Variants in SOCS5 observed in about 807,000 individuals in gnomAD.
SOCS5 encodes the protein CIS-6.
Under a neutral mutation model 42.8 loss-of-function variants are expected in SOCS5, and 32 were observed. The ratio of observed to expected loss-of-function variants is 0.75; its 90% CI spans 0.56 to 1.01. The LOEUF (loss-of-function observed/expected upper bound fraction) is 1.01. Ranked by LOEUF, SOCS5 falls within the 50% of genes least tolerant of loss-of-function variation. The pLI, the probability that SOCS5 is intolerant of heterozygous loss-of-function variation, is 0.00. For synonymous variants in SOCS5, 283 were observed against 229.6 expected (o/e 1.23, Z -2.10); for missense variants, 627 against 653.0 (o/e 0.96, Z 0.43).
intron 1 of SOCS5, among the ~76,000 whole-genome samples, chr2:46,710,349 G>T (rs560669571): frequency 2.0e-5 from 3 of 152,130 alleles, no homozygotes; most frequent in African/African-American, 7.2e-5. Flanking sequence ...GTTTCACCAC[G>T]TTGGTTAGGC....
At chr2:46,752,004 T>C (rs1052720552) in intron 1 of SOCS5, among the ~76,000 whole-genome samples, 4 of 152,226 alleles carry the variant, frequency 2.6e-5, no homozygotes, top group African/African-American at 7.2e-5. Context: ...TTTACTTGCA[T>C]GTTGCCTATG....
chr2:46,743,295 A>T (rs1027995081), intron 1 of SOCS5, among the ~76,000 whole-genome samples: 2 of 152,150 alleles, frequency 1.3e-5, no homozygotes, highest in Non-Finnish European at 2.9e-5. Flanking sequence ...TAAAGGAATA[A>T]AAGAATGGCT....
intron 1 of SOCS5, among the ~76,000 whole-genome samples, chr2:46,755,240 A>G (rs913521200): frequency 1.3e-5 from 2 of 152,198 alleles, no homozygotes; most frequent in African/African-American, 2.4e-5. Flanking sequence ...CTCTCAATGT[A>G]TTCTTAAAAC....
intron 1 of SOCS5, among the ~76,000 whole-genome samples, chr2:46,714,640 T>C (rs1672699853): frequency 6.6e-6 from 1 of 152,246 alleles, no homozygotes; most frequent in African/African-American, 2.4e-5. Flanking sequence ...GCTGGCAGGT[T>C]AAATCTGGCC....
At chr2:46,750,183 C>G (rs182645083) in intron 1 of SOCS5, among the ~76,000 whole-genome samples, 327 of 152,228 alleles carry the variant, frequency 2.1e-3, no homozygotes, top group Middle Eastern at 6.8e-3. Context: ...GTTTTATTGC[C>G]TATCCGCTTT....
intron 1 of SOCS5, among the ~76,000 whole-genome samples, chr2:46,747,230 C>CT (rs1377763187): frequency 1.3e-5 from 2 of 150,326 alleles, no homozygotes; most frequent in East Asian, 1.9e-4. Context: ...TGGTCTCTTA[C>CT]TTTTTTTTGA....
At chr2:46,735,190 G>T (rs145774619) in intron 1 of SOCS5, among the ~76,000 whole-genome samples, 62 of 152,228 alleles carry the variant, frequency 4.1e-4, no homozygotes, top group Middle Eastern at 3.4e-3. Flanking sequence ...TGCAGTGTAG[G>T]GCTAAAATGA....
chr2:46,710,377 C>T (rs1406314135), intron 1 of SOCS5, among the ~76,000 whole-genome samples: 2 of 152,110 alleles, frequency 1.3e-5, no homozygotes, highest in East Asian at 1.9e-4. Flanking sequence ...AAACTGCTGA[C>T]CTCGTGATCC....
intron 1 of SOCS5, among the ~76,000 whole-genome samples, chr2:46,742,353 C>T (rs1267750031): frequency 6.7e-6 from 1 of 149,772 alleles, no homozygotes; most frequent in African/African-American, 2.5e-5. Flanking sequence ...CACCCCCACC[C>T]CCACCTTCTT....
At chr2:46,722,549 C>G (rs188468041) in intron 1 of SOCS5, among the ~76,000 whole-genome samples, 3 of 152,226 alleles carry the variant, frequency 2.0e-5, no homozygotes, top group East Asian at 3.9e-4. Flanking sequence ...CTTTGTATAG[C>G]TGCACTAACA....
intron 1 of SOCS5, among the ~76,000 whole-genome samples, chr2:46,702,369 C>T (rs943418604): frequency 6.6e-5 from 10 of 152,156 alleles, no homozygotes; most frequent in Non-Finnish European, 2.9e-5. Context: ...CCTCTGCTTA[C>T]CTTGGACCTT....
chr2:46,733,190 G>T (rs13429704), intron 1 of SOCS5, among the ~76,000 whole-genome samples: 50,369 of 151,838 alleles, frequency 0.33, 8,728 homozygotes, highest in Non-Finnish European at 0.37. Context: ...CGCCTCCCGG[G>T]TTCAAGTGAT....
At chr2:46,711,374 T>G (rs189860243) in intron 1 of SOCS5, among the ~76,000 whole-genome samples, 4 of 152,346 alleles carry the variant, frequency 2.6e-5, no homozygotes, top group Admixed American at 2.0e-4. Context: ...TCCTTGTGAG[T>G]ATCGATGTCA....
At chr2:46,703,337 CAT>C (rs1672386773) in intron 1 of SOCS5, among the ~76,000 whole-genome samples, 1 of 149,766 alleles carries the variant, frequency 6.7e-6, no homozygotes, top group Admixed American at 6.7e-5. Flanking sequence ...CACATGTAGC[CAT>C]CACAAGTTTT....
intron 1 of SOCS5, among the ~76,000 whole-genome samples, chr2:46,756,423 A>G (rs533621754): frequency 1.1e-4 from 17 of 152,176 alleles, no homozygotes; most frequent in Non-Finnish European, 2.1e-4. Context: ...TCGTGTGTGT[A>G]TGTTTAAATG....
chr2:46,707,860 C>T (rs1434290024), intron 1 of SOCS5, among the ~76,000 whole-genome samples: 1 of 152,204 alleles, frequency 6.6e-6, no homozygotes, highest in Non-Finnish European at 1.5e-5. Context: ...GCCTAACCTA[C>T]CAAACAACAT....
intron 1 of SOCS5, among the ~76,000 whole-genome samples, chr2:46,745,389 A>T (rs758073581): frequency 1.3e-5 from 2 of 152,212 alleles, no homozygotes; most frequent in Non-Finnish European, 2.9e-5. Flanking sequence ...TTTGTAGCTG[A>T]CACTACATTT....
At chr2:46,729,401 C>G (rs1409661864) in intron 1 of SOCS5, among the ~76,000 whole-genome samples, 1 of 152,136 alleles carries the variant, frequency 6.6e-6, no homozygotes, top group African/African-American at 2.4e-5. Flanking sequence ...CATTGTTCGA[C>G]CATCATAGAC....
At chr2:46,748,814 A>T (rs115281606) in intron 1 of SOCS5, among the ~76,000 whole-genome samples, 4,083 of 152,264 alleles carry the variant, frequency 0.027, 81 homozygotes, top group Non-Finnish European at 0.044. Flanking sequence ...TAAAGTGGTT[A>T]TCCTCCCTAG....
Sources: allele counts gnomAD v4.1 joint callset (sites outside exome capture counted in the v4.1 genomes callset), GRCh38; gene constraint gnomAD v4.1.1; transcripts MANE v1.5; gene names NCBI Gene and HGNC (gene_info 2026-07-23, HGNC 2026-07-21).